SH3RF3: variants seen among roughly 807,000 people sequenced by gnomAD.
The protein encoded by SH3RF3 is SH3 domain containing ring finger 3, also known as E3 ubiquitin-protein ligase SH3RF3.
Under a neutral mutation model 66.3 loss-of-function variants are expected in SH3RF3, and 29 were observed. The observed-to-expected ratio is 0.44, with a 90% CI of 0.33 to 0.60. SH3RF3 has a LOEUF of 0.60. Among genes scored for constraint, SH3RF3 ranks in the 20% least tolerant of loss-of-function variants. The probability of loss-of-function intolerance (pLI) is 0.04; values close to 1 mark genes in which losing one functional copy is unlikely to be tolerated. For missense variants in SH3RF3, 1,194 were observed against 1,190.9 expected, an observed-to-expected ratio of 1.00 and a Z score of -0.04; for synonymous variants, 583 against 532.0, an observed-to-expected ratio of 1.10 and a Z score of -1.32.
At chr2:109,142,192 G>A (rs994579063) in intron 1 of SH3RF3, among the ~76,000 whole-genome samples, 4 of 152,098 alleles carry the variant, frequency 2.6e-5, no homozygotes, top group African/African-American at 7.2e-5. Flanking sequence ...CCCCCTGGGC[G>A]GACTCTTGCG....
intron 1 of SH3RF3, among the ~76,000 whole-genome samples, chr2:109,306,897 G>A (rs866098129): frequency 6.6e-6 from 1 of 152,222 alleles, no homozygotes; most frequent in Admixed American, 6.5e-5. Context: ...GCGGTGTACG[G>A]TAGGGCCGCG....
intron 1 of SH3RF3, among the ~76,000 whole-genome samples, chr2:109,202,416 C>G (rs925287511): frequency 6.6e-6 from 1 of 152,164 alleles, no homozygotes; most frequent in Non-Finnish European, 1.5e-5. Context: ...CTTAATTGTA[C>G]TTTTTAGTAC....
At chr2:109,399,195 ATGTC>A (rs1032315522) in intron 4 of SH3RF3, among the ~76,000 whole-genome samples, 5 of 151,990 alleles carry the variant, frequency 3.3e-5, no homozygotes, top group African/African-American at 1.2e-4. Context: ...GGTCCAGGGA[ATGTC>A]TGAGTAACAC....
At chr2:109,350,072 A>G (rs1682807855) in intron 2 of SH3RF3, among the ~76,000 whole-genome samples, 1 of 152,254 alleles carries the variant, frequency 6.6e-6, no homozygotes, top group Admixed American at 6.5e-5. Context: ...CAGGCCGGGC[A>G]TTTAGTGTGG....
intron 8 of SH3RF3, among the ~76,000 whole-genome samples, chr2:109,464,921 T>C (rs987615309): frequency 1.1e-4 from 16 of 152,198 alleles, no homozygotes; most frequent in Non-Finnish European, 1.2e-4. Flanking sequence ...CATTATAGTA[T>C]CATACAGGAT....
chr2:109,488,036 T>C (rs780401693), intron 8 of SH3RF3, among the ~76,000 whole-genome samples: 2 of 152,154 alleles, frequency 1.3e-5, no homozygotes, highest in Non-Finnish European at 2.9e-5. Context: ...CCTTTTCCTT[T>C]GGACAACGCA....
At chr2:109,312,836 G>T (rs547789590) in intron 1 of SH3RF3, among the ~76,000 whole-genome samples, 41 of 152,196 alleles carry the variant, frequency 2.7e-4, no homozygotes, top group African/African-American at 9.4e-4. Flanking sequence ...TTAACATTTG[G>T]GTACAAACAT....
chr2:109,300,361 G>A (rs1416916397), intron 1 of SH3RF3, among the ~76,000 whole-genome samples: 13 of 152,054 alleles, frequency 8.5e-5, no homozygotes. Flanking sequence ...TGTATTTTTA[G>A]TAGAGATGGG....
intron 5 of SH3RF3, among the ~76,000 whole-genome samples, chr2:109,431,910 C>T (rs558390570): frequency 4.6e-5 from 7 of 152,234 alleles, no homozygotes; most frequent in Admixed American, 3.9e-4. Flanking sequence ...AGCACAATTA[C>T]TGCAAGGAAG....
At chr2:109,269,796 G>T (rs1680583584) in intron 1 of SH3RF3, among the ~76,000 whole-genome samples, 1 of 152,160 alleles carries the variant, frequency 6.6e-6, no homozygotes, top group South Asian at 2.1e-4. Flanking sequence ...ACTGAAGATA[G>T]TTACCAAGAT....
At chr2:109,209,965 C>T (rs1433915582) in intron 1 of SH3RF3, among the ~76,000 whole-genome samples, 1 of 152,334 alleles carries the variant, frequency 6.6e-6, no homozygotes, top group Middle Eastern at 3.4e-3. Context: ...CCATTAAACA[C>T]GAACTCCTCC....
chr2:109,421,210 G>A (rs575195688), intron 5 of SH3RF3, among the ~76,000 whole-genome samples: 1 of 152,340 alleles, frequency 6.6e-6, no homozygotes, highest in South Asian at 2.1e-4. Context: ...TAGCCCTGAT[G>A]GAGTTTCCCA....
chr2:109,219,773 T>G (rs1208393276), intron 1 of SH3RF3, among the ~76,000 whole-genome samples: 1 of 152,222 alleles, frequency 6.6e-6, no homozygotes, highest in Non-Finnish European at 1.5e-5. Context: ...TACAACATGT[T>G]TTTGATACAA....
At chr2:109,244,122 A>G (rs934033506) in intron 1 of SH3RF3, among the ~76,000 whole-genome samples, 1 of 152,204 alleles carries the variant, frequency 6.6e-6, no homozygotes, top group African/African-American at 2.4e-5. Context: ...CCTTGAACTT[A>G]CAATTCAGCA....
chr2:109,440,448 C>G (rs919049525), intron 7 of SH3RF3, among the ~76,000 whole-genome samples: 2 of 152,166 alleles, frequency 1.3e-5, no homozygotes, highest in African/African-American at 4.8e-5. Context: ...AGATGTTTAT[C>G]CTAAGGGGGC....
chr2:109,421,590 A>G (rs1331084328), intron 5 of SH3RF3, among the ~76,000 whole-genome samples: 1 of 152,200 alleles, frequency 6.6e-6, no homozygotes, highest in Non-Finnish European at 1.5e-5. Flanking sequence ...TTCTTCACCC[A>G]GTTCGCCTGC....
intron 8 of SH3RF3, among the ~76,000 whole-genome samples, chr2:109,480,904 A>C (rs940267285): frequency 1.3e-5 from 2 of 152,178 alleles, no homozygotes; most frequent in African/African-American, 2.4e-5. Flanking sequence ...TTTCTGTCTT[A>C]AAAGAATGTC....
chr2:109,160,817 T>A (rs1275535805), intron 1 of SH3RF3, among the ~76,000 whole-genome samples: 7 of 152,030 alleles, frequency 4.6e-5, no homozygotes, highest in African/African-American at 1.7e-4. Flanking sequence ...AGAGGTGCAT[T>A]TGGGGACAGT....
intron 1 of SH3RF3, among the ~76,000 whole-genome samples, chr2:109,159,346 G>A (rs1677429917): frequency 6.6e-6 from 1 of 152,214 alleles, no homozygotes; most frequent in South Asian, 2.1e-4. Flanking sequence ...TGCCTGCCCT[G>A]CCCAGCCCCA....
Sources: gnomAD v4.1 joint callset for allele counts (sites outside exome capture counted in the v4.1 genomes callset) on GRCh38, gnomAD v4.1.1 for gene constraint, MANE v1.5 for transcripts, NCBI Gene and HGNC (gene_info 2026-07-23, HGNC 2026-07-21) for gene names.